The following CDH12 variants were observed in gnomAD, a reference collection of about 807,000 sequenced individuals.
CDH12 encodes the protein cadherin 12, also known as cadherin-12.
In CDH12, 41 loss-of-function variants were observed where a neutral mutation model predicts 74.1. That is an observed-to-expected ratio of 0.55 (90% CI 0.43 to 0.72). The LOEUF is 0.72. CDH12 is among the 30% of genes least tolerant of loss of function. The pLI is 0.00. For synonymous variants in CDH12, 399 were observed against 355.0 expected (o/e 1.12, Z -1.39); for missense variants, 945 against 977.2 (o/e 0.97, Z 0.44).
intron 4 of CDH12, among the ~76,000 whole-genome samples, chr5:22,153,183 C>CCTT (rs373158137): frequency 2.9e-5 from 4 of 138,492 alleles, no homozygotes; most frequent in Admixed American, 7.3e-5. Context: ...TTTTTCTTTT[C>CCTT]TTTTTTTTTT....
chr5:22,502,254 ATGAGATC>A (rs1375841394), intron 2 of CDH12, among the ~76,000 whole-genome samples: 1 of 152,004 alleles, frequency 6.6e-6, no homozygotes, highest in African/African-American at 2.4e-5. Context: ...AATAAGTCTC[ATGAGATC>A]TGGTGGTTTT....
At chr5:21,995,642 C>T (rs192312987) in intron 5 of CDH12, among the ~76,000 whole-genome samples, 180 of 151,834 alleles carry the variant, frequency 1.2e-3, no homozygotes, top group African/African-American at 4.2e-3. Context: ...TAATCATAGG[C>T]ACATACAGGA....
intron 1 of CDH12, among the ~76,000 whole-genome samples, chr5:22,746,402 A>G (rs980513576): frequency 5.9e-5 from 9 of 152,306 alleles, no homozygotes; most frequent in East Asian, 5.8e-4. Context: ...AAGAGCAAAT[A>G]TCACTGTTTT....
chr5:22,371,141 A>G (rs1741270335), intron 3 of CDH12, among the ~76,000 whole-genome samples: 1 of 152,164 alleles, frequency 6.6e-6, no homozygotes, highest in African/African-American at 2.4e-5. Context: ...CATTTTCCCT[A>G]AAAGCTTAAT....
intron 1 of CDH12, among the ~76,000 whole-genome samples, chr5:22,669,405 A>G (rs1198677015): frequency 1.3e-5 from 2 of 152,208 alleles, no homozygotes; most frequent in Non-Finnish European, 2.9e-5. Context: ...AAGAATATGT[A>G]TTTGTGGCAG....
intron 1 of CDH12, among the ~76,000 whole-genome samples, chr5:22,585,123 T>C (rs1203109794): frequency 6.6e-6 from 1 of 152,236 alleles, no homozygotes; most frequent in East Asian, 1.9e-4. Flanking sequence ...AATATACTTC[T>C]GTTATTGTTT....
At chr5:22,814,242 C>T (rs1749284424) in intron 1 of CDH12, among the ~76,000 whole-genome samples, 1 of 151,992 alleles carries the variant, frequency 6.6e-6, no homozygotes, top group African/African-American at 2.4e-5. Flanking sequence ...CAGAGATTGC[C>T]CCATCAGTCA....
intron 3 of CDH12, among the ~76,000 whole-genome samples, chr5:22,377,967 C>A (rs1371194668): frequency 6.6e-6 from 1 of 152,156 alleles, no homozygotes; most frequent in Non-Finnish European, 1.5e-5. Context: ...AATATTATTT[C>A]ACTCACTAAT....
At chr5:21,872,151 C>A (rs571406295) in intron 6 of CDH12, among the ~76,000 whole-genome samples, 3 of 152,234 alleles carry the variant, frequency 2.0e-5, no homozygotes, top group Non-Finnish European at 2.9e-5. Context: ...TGCTTAACAC[C>A]CCGACCTTGC....
intron 6 of CDH12, among the ~76,000 whole-genome samples, chr5:21,936,014 A>T (rs2150085437): frequency 6.6e-6 from 1 of 152,226 alleles, no homozygotes; most frequent in East Asian, 1.9e-4. Flanking sequence ...GCTTAGGTTG[A>T]TTCCAAATTT....
intron 11 of CDH12, among the ~76,000 whole-genome samples, chr5:21,766,141 C>T (rs563346821): frequency 2.0e-5 from 3 of 151,932 alleles, no homozygotes; most frequent in African/African-American, 7.2e-5. Flanking sequence ...AGAATGCATA[C>T]AAAATCATTC....
chr5:22,326,322 C>T (rs947017930), intron 3 of CDH12, among the ~76,000 whole-genome samples: 33 of 152,012 alleles, frequency 2.2e-4, no homozygotes, highest in East Asian at 9.8e-4. Flanking sequence ...GCAGGCTCCG[C>T]CCCCCGGGGT....
chr5:22,694,881 G>T (rs1742270637), intron 1 of CDH12, among the ~76,000 whole-genome samples: 1 of 151,860 alleles, frequency 6.6e-6, no homozygotes, highest in Non-Finnish European at 1.5e-5. Flanking sequence ...GTGCAGGTTT[G>T]TTACATAAGT....
chr5:22,375,953 T>C (rs1202345437), intron 3 of CDH12, among the ~76,000 whole-genome samples: 1 of 152,206 alleles, frequency 6.6e-6, no homozygotes, highest in Non-Finnish European at 1.5e-5. Context: ...GCAATCCTAC[T>C]ACTAGGTTTT....
intron 4 of CDH12, among the ~76,000 whole-genome samples, chr5:22,090,488 CA>C (rs57410067): frequency 0.089 from 11,578 of 130,500 alleles, 695 homozygotes; most frequent in African/African-American, 0.19. Flanking sequence ...TCTGTAAACT[CA>C]AAAAAAAAAA....
intron 5 of CDH12, among the ~76,000 whole-genome samples, chr5:22,031,944 A>G (rs1180557850): frequency 6.6e-6 from 1 of 152,102 alleles, no homozygotes; most frequent in African/African-American, 2.4e-5. Flanking sequence ...AAGTGAACCC[A>G]TGTTGCAAAA....
chr5:22,613,823 G>A (rs1737543773), intron 1 of CDH12, among the ~76,000 whole-genome samples: 1 of 152,042 alleles, frequency 6.6e-6, no homozygotes, highest in Non-Finnish European at 1.5e-5. Flanking sequence ...GGAATCATGT[G>A]TATCACGTTT....
At chr5:22,357,301 A>G (rs1740605418) in intron 3 of CDH12, among the ~76,000 whole-genome samples, 1 of 152,144 alleles carries the variant, frequency 6.6e-6, no homozygotes, top group Non-Finnish European at 1.5e-5. Flanking sequence ...GTTTACTTAT[A>G]TGTCTGTTTC....
chr5:21,829,701 T>C (rs1000466913), intron 8 of CDH12, among the ~76,000 whole-genome samples: 2 of 152,208 alleles, frequency 1.3e-5, no homozygotes, highest in African/African-American at 4.8e-5. Context: ...CTTTCACATC[T>C]GTGACTAAAG....
Sources: allele counts gnomAD v4.1 joint callset (sites outside exome capture counted in the v4.1 genomes callset), GRCh38; gene constraint gnomAD v4.1.1; transcripts MANE v1.5; gene names NCBI Gene and HGNC (gene_info 2026-07-23, HGNC 2026-07-21).